The following FRMD4B variants were observed in gnomAD, a reference collection of about 807,000 sequenced individuals.
The protein encoded by FRMD4B is FERM domain containing 4B, also known as FERM domain-containing protein 4B.
Under a neutral mutation model 141.5 loss-of-function variants are expected in FRMD4B, and 74 were observed. The observed-to-expected ratio is 0.52, with a 90% CI of 0.43 to 0.63. The LOEUF is 0.63. Ranked by LOEUF, FRMD4B falls within the 30% of genes least tolerant of loss-of-function variation. The pLI is 0.00. For missense variants in FRMD4B, 1,366 were observed against 1,253.4 expected, an observed-to-expected ratio of 1.09 and a Z score of -1.36; for synonymous variants, 506 against 467.9, an observed-to-expected ratio of 1.08 and a Z score of -1.05.
intron 9 of FRMD4B, among the ~76,000 whole-genome samples, chr3:69,219,807 G>T (rs1315094420): frequency 6.6e-6 from 1 of 152,100 alleles, no homozygotes; most frequent in Non-Finnish European, 1.5e-5. Context: ...AGTAAGTGTT[G>T]TTCTCCTCCC....
Position 69,197,001 on chromosome 3 carries a change from A to G in FRMD4B, c.991T>C (p.Leu331=), listed in dbSNP as rs13059488. ...VSRRTFGQSG[L]FVQTWYANSS... is the part of the protein sequence containing the mutation. ...TTAGCATACCATGTTTGCACAAACA[A>G]GCCACTTTGCCCAAAGGTTCTTCTT... is the stretch of plus-strand genomic sequence containing the variant. The change falls in exon 13 of 23, where the codon TTG becomes CTG. Residue 331 remains leucine, a synonymous_variant. Transcript: ENST00000398540. The G allele has an allele frequency of 0.91, 1,464,231 of 1,607,080 alleles. 675,649 individuals are homozygous for G. The highest frequency in any genetic ancestry group is 0.95 in the Non-Finnish European group (1,115,303 of 1,174,052).
intron 1 of FRMD4B, among the ~76,000 whole-genome samples, chr3:69,485,391 G>A (rs754979228): frequency 1.7e-4 from 26 of 152,294 alleles, no homozygotes; most frequent in Non-Finnish European, 3.5e-4. Flanking sequence ...CTGCACCAGG[G>A]TGGGGGGCTC....
intron 1 of FRMD4B, among the ~76,000 whole-genome samples, chr3:69,384,328 C>T (rs1704197022): frequency 6.6e-6 from 1 of 152,138 alleles, no homozygotes. Flanking sequence ...AGCCATAAAT[C>T]CTCTGAATCC....
In FRMD4B at chr3:69,181,399, T is replaced by C; in HGVS notation, c.2351A>G (p.Gln784Arg). The C allele has an allele frequency of 6.2e-7, 1 of 1,613,922 alleles. No individual in the cohort carries two copies. The highest frequency in any genetic ancestry group is 8.5e-7 in the Non-Finnish European group (1 of 1,179,808). The stretch of plus-strand genomic sequence containing the variant: ...AACACCATTCCTCAAACTATCCTTT[T>C]GTGCTAGGTTGGGCATGCTTCCTGA... ...SNSGSMPNLA[Q>R]KDSLRNGVYS... The change falls in exon 21 of 23, where the codon CAA (glutamine) becomes CGA (arginine). Residue 784 changes from glutamine (Q) to arginine (R), a missense_variant. Physicochemically the swap from Gln to Arg is conservative, Grantham distance 43. Transcript: ENST00000398540.
intron 5 of FRMD4B, among the ~76,000 whole-genome samples, chr3:69,272,593 A>T (rs1192735998): frequency 6.6e-6 from 1 of 152,274 alleles, no homozygotes; most frequent in Non-Finnish European, 1.5e-5. Flanking sequence ...ACACACACAC[A>T]CACATTCACA....
At chr3:69,353,267 C>G (rs1559824968) in intron 1 of FRMD4B, among the ~76,000 whole-genome samples, 1 of 152,156 alleles carries the variant, frequency 6.6e-6, no homozygotes, top group Non-Finnish European at 1.5e-5. Context: ...ACCCTCCAGA[C>G]GATGGGCGTC....
chr3:69,498,991 G>A (rs1706449634), intron 1 of FRMD4B, among the ~76,000 whole-genome samples: 1 of 152,192 alleles, frequency 6.6e-6, no homozygotes, highest in Non-Finnish European at 1.5e-5. Flanking sequence ...ACAGGACAGT[G>A]TGATATAAGA....
chr3:69,357,286 T>A (rs1215050706), intron 1 of FRMD4B, among the ~76,000 whole-genome samples: 3 of 152,218 alleles, frequency 2.0e-5, no homozygotes, highest in Non-Finnish European at 4.4e-5. Flanking sequence ...ATATCCAACT[T>A]GAAACAAATG....
chr3:69,355,785 G>T (rs377709161), intron 1 of FRMD4B, among the ~76,000 whole-genome samples: 21 of 152,288 alleles, frequency 1.4e-4, no homozygotes, highest in African/African-American at 5.1e-4. Context: ...AGCACTTTGG[G>T]AGGCTGAGGT....
upstream of FRMD4B, among the ~76,000 whole-genome samples, chr3:69,386,896 G>A (rs1253900411): frequency 6.6e-6 from 1 of 152,210 alleles, no homozygotes; most frequent in African/African-American, 2.4e-5. Context: ...AAGAGAATCG[G>A]TGGTTTAGTT....
At chr3:69,447,806 TTG>T (rs1426657377) in intron 1 of FRMD4B, among the ~76,000 whole-genome samples, 2 of 152,242 alleles carry the variant, frequency 1.3e-5, no homozygotes, top group African/African-American at 4.8e-5. Context: ...CTGAATTTTT[TTG>T]TGTCTCTGGC....
intron 1 of FRMD4B, among the ~76,000 whole-genome samples, chr3:69,448,605 C>T (rs1252161489): frequency 6.6e-6 from 1 of 152,148 alleles, no homozygotes; most frequent in African/African-American, 2.4e-5. Context: ...TGAGTTTGCA[C>T]TTCCTAGATG....
At chr3:69,454,764 T>G (rs1015480506) in intron 1 of FRMD4B, among the ~76,000 whole-genome samples, 12 of 152,174 alleles carry the variant, frequency 7.9e-5, no homozygotes, top group African/African-American at 2.9e-4. Flanking sequence ...CACCACCCCC[T>G]GCTCCGTGGC....
At chr3:69,347,870 A>G (rs1239910174) in intron 1 of FRMD4B, among the ~76,000 whole-genome samples, 1 of 152,252 alleles carries the variant, frequency 6.6e-6, no homozygotes, top group Non-Finnish European at 1.5e-5. Context: ...AATGCCCACA[A>G]AAGAAAGCAG....
At chr3:69,307,740 C>G (rs181701181) in intron 3 of FRMD4B, among the ~76,000 whole-genome samples, 2 of 152,264 alleles carry the variant, frequency 1.3e-5, no homozygotes, top group Admixed American at 1.3e-4. Flanking sequence ...TTTCCTGAAG[C>G]CTCCCATGTG....
intron 1 of FRMD4B, among the ~76,000 whole-genome samples, chr3:69,460,198 G>A (rs1211081926): frequency 6.6e-6 from 1 of 152,188 alleles, no homozygotes; most frequent in African/African-American, 2.4e-5. Flanking sequence ...ATAAAGGGAA[G>A]GCGTTCTGGC....
chr3:69,440,224 TA>T (rs1357692185), intron 1 of FRMD4B, among the ~76,000 whole-genome samples: 1 of 152,244 alleles, frequency 6.6e-6, no homozygotes, highest in African/African-American at 2.4e-5. Context: ...TCTCACAATT[TA>T]TTCTTGTACA....
Position 69,195,150 on chromosome 3 carries a change from C to T in FRMD4B, c.1369-9G>A, listed in dbSNP as rs1301455907. 6.2e-7 allele frequency: 1 copy of T among 1,613,974 alleles called. No homozygotes were observed. The highest frequency in any genetic ancestry group is 1.1e-5 in the South Asian group (1 of 91,074). On this transcript the variant is annotated splice_polypyrimidine_tract_variant and intron_variant, in intron 15 of 22. Coordinates refer to ENST00000398540, the MANE Select transcript of FRMD4B (RefSeq NM_015123.3). ...ATTTTGCCTGTGAGCTCCTGTAAAACAGGACAGAATCAAGAGCAGATAATT... is the reference window on the plus strand; with the variant it reads ...ATTTTGCCTGTGAGCTCCTGTAAAATAGGACAGAATCAAGAGCAGATAATT...
At chr3:69,306,227 C>T (rs1559793261) in intron 3 of FRMD4B, among the ~76,000 whole-genome samples, 1 of 152,174 alleles carries the variant, frequency 6.6e-6, no homozygotes, top group Non-Finnish European at 1.5e-5. Flanking sequence ...ATTTTCCCAT[C>T]AGCAAATATA....
Sources: gnomAD v4.1 joint callset for allele counts (sites outside exome capture counted in the v4.1 genomes callset) on GRCh38, gnomAD v4.1.1 for gene constraint, MANE v1.5 for transcripts, NCBI Gene and HGNC (gene_info 2026-07-23, HGNC 2026-07-21) for gene names.